The following DOCK4 variants were observed in gnomAD, a reference collection of about 807,000 sequenced individuals.
DOCK4 encodes the protein dedicator of cytokinesis protein 4.
A neutral mutation model predicts 268.1 loss-of-function variants in DOCK4; 97 were observed. The observed-to-expected ratio is 0.36, with a 90% CI of 0.31 to 0.43. DOCK4 has a LOEUF of 0.43. Ranked by LOEUF, DOCK4 falls within the 20% of genes least tolerant of loss-of-function variation. The pLI, the probability that DOCK4 is intolerant of heterozygous loss-of-function variation, is 1.00. For synonymous variants in DOCK4, 954 were observed against 887.2 expected, an observed-to-expected ratio of 1.08 and a Z score of -1.34; for missense variants, 2,145 against 2,455.7, an observed-to-expected ratio of 0.87 and a Z score of 2.67.
chr7:112,094,831 A>G (rs1035865), intron 1 of DOCK4, among the ~76,000 whole-genome samples: 28,847 of 151,736 alleles, frequency 0.19, 3,402 homozygotes, highest in East Asian at 0.42. Context: ...TCGTTTAAAA[A>G]TGTATGGTAC....
At chr7:111,841,228 G>A (rs1157387768) in intron 25 of DOCK4, among the ~76,000 whole-genome samples, 1 of 151,830 alleles carries the variant, frequency 6.6e-6, no homozygotes, top group Non-Finnish European at 1.5e-5. Flanking sequence ...GCAGTGGTAT[G>A]ATCTCGGCTC....
chr7:112,193,981 T>C (rs1361699019), intron 1 of DOCK4, among the ~76,000 whole-genome samples: 5 of 152,074 alleles, frequency 3.3e-5, no homozygotes, highest in Admixed American at 6.6e-5. Context: ...GATCTCTTCT[T>C]ATAAAGACAC....
At chr7:112,041,636 AC>A (rs1804367380) in intron 1 of DOCK4, among the ~76,000 whole-genome samples, 1 of 152,196 alleles carries the variant, frequency 6.6e-6, no homozygotes, top group African/African-American at 2.4e-5. Flanking sequence ...GTTCCATTTC[AC>A]CATGGGGGTA....
At chr7:111,961,074 G>A (rs746996295) in intron 8 of DOCK4, among the ~76,000 whole-genome samples, 6 of 151,930 alleles carry the variant, frequency 3.9e-5, no homozygotes, top group Non-Finnish European at 8.8e-5. Flanking sequence ...CCTATCACAC[G>A]TTTGCTCCAC....
intron 12 of DOCK4, among the ~76,000 whole-genome samples, chr7:111,918,728 T>C (rs1792838311): frequency 6.6e-6 from 1 of 152,202 alleles, no homozygotes; most frequent in Admixed American, 6.5e-5. Context: ...CAGGATCTGG[T>C]ATTTGTGGAA....
intron 11 of DOCK4, among the ~76,000 whole-genome samples, chr7:111,938,847 C>T (rs1371820642): frequency 5.9e-5 from 9 of 151,870 alleles, no homozygotes; most frequent in East Asian, 3.9e-4. Flanking sequence ...TGGTGGCATG[C>T]GCCTGTAATC....
chr7:111,794,692 C>T (rs542829407), intron 30 of DOCK4, among the ~76,000 whole-genome samples: 47 of 152,222 alleles, frequency 3.1e-4, no homozygotes, highest in Admixed American at 9.8e-4. Flanking sequence ...TCATTTGCTC[C>T]CTACAACAAC....
intron 16 of DOCK4, among the ~76,000 whole-genome samples, chr7:111,885,618 C>T (rs1807778584): frequency 6.6e-6 from 1 of 152,172 alleles, no homozygotes; most frequent in South Asian, 2.1e-4. Flanking sequence ...CTTGAAGCTG[C>T]TACTGGACTG....
intron 13 of DOCK4, among the ~76,000 whole-genome samples, chr7:111,909,578 A>G (rs1317740118): frequency 6.6e-6 from 1 of 152,258 alleles, no homozygotes; most frequent in Admixed American, 6.5e-5. Flanking sequence ...GATTTGAATA[A>G]TACTTATAAA....
chr7:112,006,474 G>A (rs1045185339), intron 1 of DOCK4, among the ~76,000 whole-genome samples: 1 of 152,228 alleles, frequency 6.6e-6, no homozygotes, highest in Admixed American at 6.5e-5. Flanking sequence ...GCTTGTCTGA[G>A]CCATAACCAT....
intron 2 of DOCK4, 95 bp downstream of exon 2, chr7:112,003,953 C>A: frequency 1.1e-6 from 1 of 908,450 alleles, no homozygotes; most frequent in South Asian, 2.3e-5. Context: ...GTGGTGACTA[C>A]TGGAAAAGTT....
rs571574439 is a variant in DOCK4 at position 112,151,443 on chromosome 7, A to G, written c.37+54659T>C. The stretch of plus-strand genomic sequence containing the variant: ...AGGAGAGTGAGTCAGTGGCATACCC[A>G]CGGCACCACAGTTGTCACACAGCTA... On this transcript the variant is annotated intron_variant, in intron 1 of 52. Coordinates refer to ENST00000428084, the MANE Select transcript of DOCK4 (RefSeq NM_001363540.2). Among the ~76,000 whole-genome samples, 9 of 152,250 alleles carry G rather than the reference A, an allele frequency of 5.9e-5. No individual in the cohort carries two copies. The East Asian group carries it at 1.7e-3, about 29-fold the overall frequency.
intron 8 of DOCK4, among the ~76,000 whole-genome samples, chr7:111,974,952 T>C (rs1167666708): frequency 6.6e-6 from 1 of 152,072 alleles, no homozygotes; most frequent in African/African-American, 2.4e-5. Context: ...AAAGGGGAGT[T>C]TGTATTCCAC....
intron 1 of DOCK4, among the ~76,000 whole-genome samples, chr7:112,117,514 G>A (rs1489247265): frequency 2.0e-5 from 3 of 152,080 alleles, no homozygotes; most frequent in African/African-American, 7.2e-5. Context: ...GGGATTAAAC[G>A]TGCCAGCCAC....
chr7:112,015,931 A>G (rs1215815564), intron 1 of DOCK4, among the ~76,000 whole-genome samples: 1 of 152,218 alleles, frequency 6.6e-6, no homozygotes, highest in Non-Finnish European at 1.5e-5. Flanking sequence ...TAGGGCCTTA[A>G]TCCCATTAAC....
intron 13 of DOCK4, among the ~76,000 whole-genome samples, chr7:111,903,255 C>T (rs1027284070): frequency 2.0e-5 from 3 of 152,094 alleles, no homozygotes; most frequent in Non-Finnish European, 4.4e-5. Flanking sequence ...GACAAGGATA[C>T]AGGTGGGCCA....
At chr7:111,739,017 T>A (rs1795703332) in intron 49 of DOCK4, 117 bp downstream of exon 49, 1 of 740,710 alleles carries the variant, frequency 1.4e-6, no homozygotes, top group Non-Finnish European at 2.3e-6. Context: ...ACCAGCTGGA[T>A]TGGTCTGACA....
At chr7:111,842,208 C>T (rs763126593) in intron 25 of DOCK4, among the ~76,000 whole-genome samples, 2 of 152,156 alleles carry the variant, frequency 1.3e-5, no homozygotes, top group East Asian at 3.9e-4. Flanking sequence ...GGAGAGAGGG[C>T]AGACTGGCCA....
chr7:112,165,523 CGTGTGTGTGTGTGTGTGTGTGTGT>C (rs112020512), intron 1 of DOCK4, among the ~76,000 whole-genome samples: 1 of 126,472 alleles, frequency 7.9e-6, no homozygotes, highest in African/African-American at 2.6e-5. Flanking sequence ...GAATAGTATA[CGTGTGTGTGTGTGTGTGTGTGTGT>C]GTGTGTGTGT....
Sources: allele counts gnomAD v4.1 joint callset (sites outside exome capture counted in the v4.1 genomes callset), GRCh38; gene constraint gnomAD v4.1.1; transcripts MANE v1.5; gene names NCBI Gene and HGNC (gene_info 2026-07-23, HGNC 2026-07-21).